PIKFYVE: variants seen among roughly 807,000 people sequenced by gnomAD.
PIKFYVE encodes 1-phosphatidylinositol 3-phosphate 5-kinase.
Under a neutral mutation model 257.9 loss-of-function variants are expected in PIKFYVE, and 122 were observed. That is an observed-to-expected ratio of 0.47 (90% CI 0.41 to 0.55). The LOEUF is 0.55. PIKFYVE is among the 20% of genes least tolerant of loss of function. The probability of loss-of-function intolerance (pLI) is 0.00; values close to 1 mark genes in which losing one functional copy is unlikely to be tolerated. For missense variants in PIKFYVE, 2,160 were observed against 2,536.6 expected (o/e 0.85, Z 3.19); for synonymous variants, 892 against 868.9 (o/e 1.03, Z -0.47).
chr2:208,346,284 A>G, intron 34 of PIKFYVE, 137 bp downstream of exon 34: 1 of 775,592 alleles, frequency 1.3e-6, no homozygotes, highest in Non-Finnish European at 2.2e-6. Context: ...AAATTTAGAT[A>G]TTTTTGTATG....
chr2:208,286,012 CACTT>C (rs1691526792), intron 6 of PIKFYVE, 79 bp downstream of exon 6: 4 of 1,331,756 alleles, frequency 3.0e-6, no homozygotes, highest in Non-Finnish European at 4.2e-6. Flanking sequence ...TTTCAGTTAA[CACTT>C]ACCCTCTTAG....
At chr2:208,308,633 G>T (rs1315505039) in intron 12 of PIKFYVE, among the ~76,000 whole-genome samples, 1 of 151,288 alleles carries the variant, frequency 6.6e-6, no homozygotes, top group Non-Finnish European at 1.5e-5. Context: ...TACTTAGTAT[G>T]AGCTTTTAAT....
chr2:208,312,406 T>C, intron 13 of PIKFYVE, 111 bp downstream of exon 13: 1 of 816,466 alleles, frequency 1.2e-6, no homozygotes, highest in East Asian at 2.7e-5. Flanking sequence ...TATATTTGAT[T>C]ATGGTGGTAT....
At chr2:208,315,838 C>T (rs1330408071) in intron 15 of PIKFYVE, among the ~76,000 whole-genome samples, 5 of 34,104 alleles carry the variant, frequency 1.5e-4, no homozygotes, top group Non-Finnish European at 2.5e-4. Context: ...ACATTTTTTG[C>T]GATTTTTTTT....
chr2:208,337,773 G>A (rs1698301821), intron 28 of PIKFYVE, among the ~76,000 whole-genome samples: 1 of 152,064 alleles, frequency 6.6e-6, no homozygotes, highest in Non-Finnish European at 1.5e-5. Flanking sequence ...GCATGCTGGA[G>A]TGCAGTGGTG....
intron 11 of PIKFYVE, 105 bp from the exon 12 acceptor site, chr2:208,304,741 T>C: frequency 9.1e-7 from 1 of 1,098,732 alleles, no homozygotes; most frequent in South Asian, 1.3e-5. Context: ...ACATTGGGCT[T>C]GTATATTAAA....
At chr2:208,341,687 G>A (rs1209114112) in intron 31 of PIKFYVE, among the ~76,000 whole-genome samples, 1 of 152,120 alleles carries the variant, frequency 6.6e-6, no homozygotes, top group African/African-American at 2.4e-5. Context: ...GGCTGAGAGA[G>A]CTGTGTCCAG....
rs1280753990 is a variant in PIKFYVE at position 208,356,531 on chromosome 2, G to A, written c.*1226G>A. 2 of 152,436 alleles carry A rather than the reference G, an allele frequency of 1.3e-5. No individual in the cohort carries two copies. The highest frequency in any genetic ancestry group is 2.9e-5 in the Non-Finnish European group (2 of 68,132). The allele number at this position is 152,436 out of a possible 1,614,324, so 9.4% of individuals were successfully genotyped here. ...TAGCTGGGCATGGTGGCATATACCT[G>A]TAACCCCAACTACTTGGGTGGCTGA... On this transcript the variant is annotated 3_prime_UTR_variant, in exon 42 of 42. Coordinates refer to ENST00000264380, the MANE Select transcript of PIKFYVE (RefSeq NM_015040.4).
intron 2 of PIKFYVE, among the ~76,000 whole-genome samples, chr2:208,272,888 A>G (rs7576852): frequency 0.96 from 146,109 of 152,280 alleles, 70,251 homozygotes; most frequent in East Asian, 1. Flanking sequence ...TTTTCCTCAT[A>G]TTAACATTTT....
At position 208,315,270 on chromosome 2, in the gene PIKFYVE, A is replaced by G. The variant is rs1453705952; in HGVS notation, c.1904A>G (p.Asp635Gly). The G allele has an allele frequency of 1.9e-6, 3 of 1,614,018 alleles. No individual in the cohort carries two copies. Among genetic ancestry groups the G allele is most frequent in the South Asian group, 2.2e-5 (2 of 91,084 alleles). ...GACTCACTGTCATCATCTTGGAGGG[A>G]CATCATCGTGTCATTGGTCTGCCAG... ...HSDSLSSSWR[D>G]IIVSLVCQVV... The change falls in exon 15 of 42, where the codon GAC (aspartate) becomes GGC (glycine). Residue 635 changes from aspartate to glycine, a missense_variant. Physicochemically the swap from Asp to Gly is moderately conservative, Grantham distance 94. This residue lies in a region of PIKFYVE where 346 missense variants were observed against 365.6 expected (regional missense o/e 0.95). Transcript: ENST00000264380.
chr2:208,321,496 T>G (rs1401206348), intron 17 of PIKFYVE, among the ~76,000 whole-genome samples: 1 of 152,150 alleles, frequency 6.6e-6, no homozygotes, highest in East Asian at 1.9e-4. Context: ...GTAAAAATGA[T>G]GGGTTTTGAC....
intron 15 of PIKFYVE, among the ~76,000 whole-genome samples, chr2:208,315,871 C>G (rs1695449624): frequency 6.8e-6 from 1 of 147,486 alleles, no homozygotes; most frequent in African/African-American, 2.5e-5. Context: ...ATGTCTCTTT[C>G]TTTTTTTTTA....
chr2:208,296,191 G>T (rs1692960905), intron 7 of PIKFYVE, among the ~76,000 whole-genome samples: 2 of 152,090 alleles, frequency 1.3e-5, no homozygotes, highest in African/African-American at 4.8e-5. Context: ...TTTTAATAGA[G>T]ACAGAGTCTC....
chr2:208,289,624 G>A (rs999497127), intron 7 of PIKFYVE, among the ~76,000 whole-genome samples: 2 of 151,972 alleles, frequency 1.3e-5, no homozygotes, highest in Non-Finnish European at 2.9e-5. Flanking sequence ...TAGAGACGGG[G>A]TTTCACCGTG....
intron 7 of PIKFYVE, among the ~76,000 whole-genome samples, chr2:208,295,781 T>C (rs1048959411): frequency 6.6e-6 from 1 of 152,228 alleles, no homozygotes; most frequent in Non-Finnish European, 1.5e-5. Flanking sequence ...TGGTAAGTAA[T>C]ATGTGGGGGA....
intron 31 of PIKFYVE, among the ~76,000 whole-genome samples, chr2:208,341,982 A>T (rs1406160535): frequency 6.6e-6 from 1 of 151,850 alleles, no homozygotes; most frequent in African/African-American, 2.4e-5. Flanking sequence ...TATTGTTAAC[A>T]TCTTACACAT....
chr2:208,322,958 T>C (rs1431954856), intron 17 of PIKFYVE, among the ~76,000 whole-genome samples: 1 of 150,476 alleles, frequency 6.6e-6, no homozygotes, highest in African/African-American at 2.4e-5. Flanking sequence ...TGGTTTTTTG[T>C]CCTTGTGATA....
At chr2:208,274,943 C>T (rs1003681091) in intron 3 of PIKFYVE, among the ~76,000 whole-genome samples, 2 of 152,184 alleles carry the variant, frequency 1.3e-5, no homozygotes. Flanking sequence ...AAATTGGCAG[C>T]CTGCCAAACC....
At chr2:208,322,348 G>T (rs1696342867) in intron 17 of PIKFYVE, among the ~76,000 whole-genome samples, 1 of 147,186 alleles carries the variant, frequency 6.8e-6, no homozygotes, top group Non-Finnish European at 1.5e-5. Context: ...ACTCCAGCCT[G>T]GGTAACAGAA....
Sources: gnomAD v4.1 joint callset for allele counts (sites outside exome capture counted in the v4.1 genomes callset) on GRCh38, gnomAD v4.1.1 for gene constraint, gnomAD v4.1.1 regional missense constraint, MANE v1.5 for transcripts, NCBI Gene and HGNC (gene_info 2026-07-23, HGNC 2026-07-21) for gene names.